IQCJ: variants seen among roughly 807,000 people sequenced by gnomAD.
The protein encoded by IQCJ is IQ domain-containing protein J.
In IQCJ, 9 loss-of-function variants were observed where a neutral mutation model predicts 11.0. That is an observed-to-expected ratio of 0.82 (90% CI 0.49 to 1.43). The LOEUF (loss-of-function observed/expected upper bound fraction) is 1.43. Among genes scored for constraint, IQCJ ranks in the 40% most tolerant of loss-of-function variants. IQCJ has a pLI of 0.00. For missense variants in IQCJ, 146 were observed against 133.2 expected, an observed-to-expected ratio of 1.10 and a Z score of -0.47; for synonymous variants, 55 against 51.3, an observed-to-expected ratio of 1.07 and a Z score of -0.31.
intron 1 of IQCJ, among the ~76,000 whole-genome samples, chr3:159,108,020 A>G (rs1718379499): frequency 6.6e-6 from 1 of 151,418 alleles, no homozygotes; most frequent in African/African-American, 2.4e-5. Flanking sequence ...AAAAAAAAAA[A>G]AAAAAGAAAA....
At chr3:159,145,576 T>G (rs1577038880) in intron 1 of IQCJ, among the ~76,000 whole-genome samples, 1 of 21,310 alleles carries the variant, frequency 4.7e-5, no homozygotes, top group Non-Finnish European at 1.7e-4. Context: ...TTAGTATGCT[T>G]TTTTTTTTTT....
At chr3:159,204,411 A>G (rs1464428906) in intron 1 of IQCJ, among the ~76,000 whole-genome samples, 1 of 152,162 alleles carries the variant, frequency 6.6e-6, no homozygotes, top group Non-Finnish European at 1.5e-5. Flanking sequence ...TTCTTCTCTC[A>G]TGTCTGGCAC....
intron 1 of IQCJ, among the ~76,000 whole-genome samples, chr3:159,174,375 A>G (rs1460645693): frequency 6.6e-6 from 1 of 152,152 alleles, no homozygotes; most frequent in African/African-American, 2.4e-5. Context: ...CAAGGTGCAA[A>G]TGGGTGGATT....
In IQCJ at chr3:159,215,983, G is replaced by A. The variant is rs138004319; in HGVS notation, c.10-29860G>A. On this transcript the variant is annotated intron_variant, in intron 1 of 3. Transcript: ENST00000397832. ...TATATTAGGAAATGTCTCACTAAGT[G>A]CATATGGAATAAATTTATGCATAAA... Among the ~76,000 whole-genome samples, 339 of 151,706 alleles carry A rather than the reference G, an allele frequency of 2.2e-3. 1 individual carries two copies. The highest frequency in any genetic ancestry group is 8.0e-3 in the African/African-American group (329 of 41,368).
At chr3:159,086,133 A>T (rs1027429943) in intron 1 of IQCJ, among the ~76,000 whole-genome samples, 2 of 152,164 alleles carry the variant, frequency 1.3e-5, no homozygotes, top group Non-Finnish European at 2.9e-5. Flanking sequence ...CTTTCTACAT[A>T]TGGCTAGCCA....
chr3:159,087,595 A>C (rs9755073), intron 1 of IQCJ, among the ~76,000 whole-genome samples: 47,762 of 144,914 alleles, frequency 0.33, 9,129 homozygotes, highest in Non-Finnish European at 0.45. Flanking sequence ...ACAATTTCAG[A>C]TCCTGTTATT....
At chr3:159,087,754 C>G (rs61795969) in intron 1 of IQCJ, among the ~76,000 whole-genome samples, 3,057 of 150,064 alleles carry the variant, frequency 0.02, 44 homozygotes, top group Middle Eastern at 0.045. Flanking sequence ...TCTGTGGGAT[C>G]GGTGGTGATA....
intron 1 of IQCJ, among the ~76,000 whole-genome samples, chr3:159,111,469 A>G (rs148762768): frequency 1.3e-5 from 2 of 152,270 alleles, no homozygotes; most frequent in East Asian, 3.9e-4. Context: ...TTGGGGTTAC[A>G]TGTGTGTTCT....
intron 1 of IQCJ, among the ~76,000 whole-genome samples, chr3:159,221,091 A>C (rs1018363412): frequency 6.6e-6 from 1 of 152,088 alleles, no homozygotes; most frequent in Non-Finnish European, 1.5e-5. Context: ...GAAAAACAAC[A>C]CCTGTTTCAT....
At chr3:159,075,129 G>C (rs1178905528) in intron 1 of IQCJ, among the ~76,000 whole-genome samples, 1 of 152,092 alleles carries the variant, frequency 6.6e-6, no homozygotes, top group African/African-American at 2.4e-5. Context: ...GCAAAGACTT[G>C]ACGCTAAATA....
At chr3:159,085,207 G>A (rs1029031676) in intron 1 of IQCJ, among the ~76,000 whole-genome samples, 1 of 151,694 alleles carries the variant, frequency 6.6e-6, no homozygotes, top group Non-Finnish European at 1.5e-5. Context: ...TGAGAATGAT[G>A]GTTTCCAATT....
chr3:159,126,409 CCT>C (rs954603129), intron 1 of IQCJ, among the ~76,000 whole-genome samples: 2 of 152,204 alleles, frequency 1.3e-5, no homozygotes, highest in Admixed American at 6.5e-5. Context: ...TTCCCAATTT[CCT>C]CTCTCTGGAG....
At chr3:159,111,274 A>AT (rs1718613110) in intron 1 of IQCJ, among the ~76,000 whole-genome samples, 1 of 152,232 alleles carries the variant, frequency 6.6e-6, no homozygotes, top group Non-Finnish European at 1.5e-5. Context: ...TGATTTTCTA[A>AT]TTTGAAGTGA....
intron 1 of IQCJ, among the ~76,000 whole-genome samples, chr3:159,207,628 C>T (rs945691278): frequency 6.6e-6 from 1 of 152,078 alleles, no homozygotes; most frequent in Non-Finnish European, 1.5e-5. Context: ...GTCATATTCT[C>T]GTAGAAGTTG....
chr3:159,156,435 G>A (rs923461587), intron 1 of IQCJ, among the ~76,000 whole-genome samples: 1 of 152,180 alleles, frequency 6.6e-6, no homozygotes, highest in Non-Finnish European at 1.5e-5. Context: ...TGCAGAATAA[G>A]CAGAATAGAA....
chr3:159,168,620 A>G (rs1722306554), intron 1 of IQCJ, among the ~76,000 whole-genome samples: 1 of 152,130 alleles, frequency 6.6e-6, no homozygotes, highest in Non-Finnish European at 1.5e-5. Context: ...ACTCCTGTGT[A>G]TGTCATTTCA....
chr3:159,219,903 C>A (rs139895142), intron 1 of IQCJ, among the ~76,000 whole-genome samples: 1 of 152,048 alleles, frequency 6.6e-6, no homozygotes, highest in African/African-American at 2.4e-5. Flanking sequence ...AGGAGAAAGC[C>A]GACTTAAGTG....
intron 1 of IQCJ, among the ~76,000 whole-genome samples, chr3:159,124,612 T>G (rs1218174272): frequency 6.6e-6 from 1 of 152,196 alleles, no homozygotes; most frequent in East Asian, 1.9e-4. Flanking sequence ...CCTCACTGTT[T>G]GGATGTATGT....
intron 1 of IQCJ, among the ~76,000 whole-genome samples, chr3:159,080,807 G>T (rs1042020771): frequency 6.6e-6 from 1 of 152,128 alleles, no homozygotes; most frequent in African/African-American, 2.4e-5. Context: ...CCTGCTTCGG[G>T]AGTCTGTGTT....
Sources: allele counts gnomAD v4.1 joint callset (sites outside exome capture counted in the v4.1 genomes callset), GRCh38; gene constraint gnomAD v4.1.1; transcripts MANE v1.5; gene names NCBI Gene and HGNC (gene_info 2026-07-23, HGNC 2026-07-21).